Variants in ESRRG observed in about 807,000 individuals in gnomAD.
ESRRG encodes estrogen related receptor gamma.
ESRRG carries 13 observed loss-of-function variants against 44.0 expected under a neutral mutation model. The ratio of observed to expected loss-of-function variants is 0.30; its 90% CI spans 0.19 to 0.47. ESRRG has a LOEUF of 0.47. Ranked by LOEUF, ESRRG falls within the 20% of genes least tolerant of loss-of-function variation. The pLI is 1.00. For missense variants in ESRRG, 395 were observed against 580.6 expected (o/e 0.68, Z 3.29); for synonymous variants, 215 against 214.6 (o/e 1.00, Z -0.02).
intron 2 of ESRRG, among the ~76,000 whole-genome samples, chr1:216,655,765 T>C (rs1443059312): frequency 1.3e-5 from 2 of 152,182 alleles, no homozygotes; most frequent in African/African-American, 4.8e-5. Flanking sequence ...ATTTGCTTTA[T>C]TTGCTGGAGG....
intron 1 of ESRRG, chr1:216,715,128 T>G (rs575799344): frequency 1.0e-6 from 1 of 985,322 alleles, no homozygotes; most frequent in Non-Finnish European, 1.2e-6. Flanking sequence ...AGCCTTCCTT[T>G]AGATGTGTAG....
chr1:217,049,343 C>G (rs2085475572), intron 1 of ESRRG, among the ~76,000 whole-genome samples: 1 of 152,152 alleles, frequency 6.6e-6, no homozygotes, highest in Non-Finnish European at 1.5e-5. Flanking sequence ...ACCTATTTGC[C>G]TGGGGTACAA....
intron 2 of ESRRG, among the ~76,000 whole-genome samples, chr1:216,813,258 A>G (rs992819454): frequency 2.0e-5 from 3 of 152,182 alleles, no homozygotes; most frequent in African/African-American, 7.2e-5. Flanking sequence ...CTGGTTAGTG[A>G]TAATTCTGGA....
intron 1 of ESRRG, among the ~76,000 whole-genome samples, chr1:216,716,472 T>C (rs1192459598): frequency 6.6e-6 from 1 of 151,988 alleles, no homozygotes; most frequent in African/African-American, 2.4e-5. Flanking sequence ...TAAATTGACA[T>C]GTCTGTGATA....
At chr1:217,078,323 G>T (rs2091484414) in intron 1 of ESRRG, 1 of 152,278 alleles carries the variant, frequency 6.6e-6, no homozygotes, top group South Asian at 2.1e-4. Flanking sequence ...TAAAAAGGCT[G>T]CTTTAAATGT....
In ESRRG at chr1:216,765,563, A is replaced by T. The variant is rs6701189; in HGVS notation, c.-13-88072T>A. On this transcript the variant is annotated intron_variant, in intron 2 of 7. Coordinates refer to the ESRRG transcript ENST00000359162. ...TCAAGTCCCCTGGGACTGTACTGACAGTTATCCTGCTCTACTCTCTCCAAA... is the reference window on the plus strand; with the variant it reads ...TCAAGTCCCCTGGGACTGTACTGACTGTTATCCTGCTCTACTCTCTCCAAA... Among the ~76,000 whole-genome samples the T allele has an allele frequency of 7.9e-3, 1,199 of 152,244 alleles. 17 individuals carry two copies. Among genetic ancestry groups the T allele is most frequent in the African/African-American group, 0.027 (1,129 of 41,566 alleles).
At chr1:217,059,710 C>A (rs1473082890) in intron 1 of ESRRG, among the ~76,000 whole-genome samples, 1 of 152,010 alleles carries the variant, frequency 6.6e-6, no homozygotes, top group Non-Finnish European at 1.5e-5. Context: ...TCCCAGGTAC[C>A]AATTTGCAGG....
chr1:216,695,277 C>T (rs2079910045), intron 1 of ESRRG, among the ~76,000 whole-genome samples: 1 of 151,742 alleles, frequency 6.6e-6, no homozygotes, highest in Non-Finnish European at 1.5e-5. Context: ...GAAGTGGTTA[C>T]AAAAATCTCA....
Position 216,882,854 on chromosome 1 carries a change from G to T in ESRRG, c.-14+56728C>A, listed in dbSNP as rs545974790. ...AAGAAACCTAATCACTTCATACTTT[G>T]TCAGCTGTCCAAGAGGGAAATCATG... On this transcript the variant is annotated intron_variant, in intron 2 of 7. Transcript: ENST00000359162. 3.2e-4 allele frequency among the ~76,000 whole-genome samples: 48 copies of T among 151,486 alleles called. 1 individual carries two copies. The highest frequency in any genetic ancestry group is 2.6e-3 in the Admixed American group (39 of 15,192).
chr1:217,103,517 C>T (rs968422087), intron 1 of ESRRG, among the ~76,000 whole-genome samples: 2 of 151,356 alleles, frequency 1.3e-5, no homozygotes, highest in African/African-American at 4.9e-5. Flanking sequence ...GTCAGCCAAG[C>T]ATGGTGGCAT....
intron 1 of ESRRG, among the ~76,000 whole-genome samples, chr1:217,074,588 A>G (rs1358532907): frequency 6.6e-6 from 1 of 152,066 alleles, no homozygotes; most frequent in Non-Finnish European, 1.5e-5. Context: ...CTGTAATCCT[A>G]GCACTTTGGG....
chr1:217,054,911 C>G (rs2086782602), intron 1 of ESRRG, among the ~76,000 whole-genome samples: 1 of 152,168 alleles, frequency 6.6e-6, no homozygotes. Flanking sequence ...TTATAGAACT[C>G]ACTGCAGACT....
At position 216,939,343 on chromosome 1, in the gene ESRRG, C is replaced by CAAAAAAAAAAAAAAAAAAAAAAAA. The variant is rs201260010; in HGVS notation, c.-14+215_-14+238dup. Among the ~76,000 whole-genome samples, 22 of 50,072 alleles carry CAAAAAAAAAAAAAAAAAAAAAAAA rather than the reference C, an allele frequency of 4.4e-4. 3 individuals carry two copies. The highest frequency in any genetic ancestry group is 3.8e-3 in the East Asian group (3 of 784). 32.8% of individuals were successfully genotyped at this position (50,072 alleles called of 152,430 possible). On this transcript the variant is annotated intron_variant, in intron 2 of 7. Transcript: ENST00000359162. ...TCTTCCAGAATATCCTACACATAGA[C>CAAAAAAAAAAAAAAAAAAAAAAAA]AAAAAAAAAAAAAAAAAAAAAAAAA...
intron 2 of ESRRG, among the ~76,000 whole-genome samples, chr1:216,657,353 T>G (rs1375357966): frequency 2.6e-5 from 4 of 152,210 alleles, no homozygotes; most frequent in African/African-American, 9.6e-5. Context: ...GTAGGAACAC[T>G]ACATCTGTTC....
At chr1:216,865,141 T>A (rs535022870) in intron 2 of ESRRG, 1 of 140,798 alleles carries the variant, frequency 7.1e-6, no homozygotes, top group Non-Finnish European at 1.5e-5. Context: ...GGAAGGTTTC[T>A]TATAAGAAGG....
At chr1:216,766,555 C>T (rs2093086792) in intron 2 of ESRRG, among the ~76,000 whole-genome samples, 1 of 151,870 alleles carries the variant, frequency 6.6e-6, no homozygotes, top group Admixed American at 6.6e-5. Context: ...GCTTTGGGAC[C>T]GCAGCACACT....
chr1:216,700,925 G>A (rs141044085), intron 1 of ESRRG, among the ~76,000 whole-genome samples: 51 of 152,242 alleles, frequency 3.3e-4, no homozygotes, highest in African/African-American at 1.2e-3. Context: ...GCAATTATAA[G>A]TAGTGTGAGG....
intron 1 of ESRRG, among the ~76,000 whole-genome samples, chr1:217,028,952 C>G (rs1348923470): frequency 6.6e-6 from 1 of 152,160 alleles, no homozygotes; most frequent in Non-Finnish European, 1.5e-5. Flanking sequence ...TGTTAGCCAT[C>G]TCTATGCTAC....
chr1:216,944,039 A>G lies in ESRRG; in HGVS notation c.-105-4366T>C, dbSNP rs113707022. ...TTTTGAAAAGAAAAGTGCCTCAAAG[A>G]TTATGAAATAGTTTTGAGAGTGGAA... On this transcript the variant is annotated intron_variant, in intron 1 of 7. Transcript: ENST00000359162. 2.7e-3 allele frequency among the ~76,000 whole-genome samples: 411 copies of G among 152,330 alleles called. 2 individuals carry two copies. The highest frequency in any genetic ancestry group is 9.6e-3 in the African/African-American group (399 of 41,588).
Sources: allele counts gnomAD v4.1 joint callset (sites outside exome capture counted in the v4.1 genomes callset), GRCh38; gene constraint gnomAD v4.1.1; transcripts MANE v1.5; gene names NCBI Gene and HGNC (gene_info 2026-07-23, HGNC 2026-07-21).